Variants in LTBP1 observed in about 807,000 individuals in gnomAD.
The protein encoded by LTBP1 is latent-transforming growth factor beta-binding protein 1.
In LTBP1, 129 loss-of-function variants were observed where a neutral mutation model predicts 207.6. The observed-to-expected ratio is 0.62, with a 90% confidence interval of 0.54 to 0.72. The LOEUF (loss-of-function observed/expected upper bound fraction) is 0.72. Ranked by LOEUF, LTBP1 falls within the 30% of genes least tolerant of loss-of-function variation. The pLI is 0.00. For missense variants in LTBP1, 2,281 were observed against 2,217.2 expected (o/e 1.03, Z -0.58); for synonymous variants, 963 against 833.7 (o/e 1.16, Z -2.67).
chr2:33,367,036 A>G (rs1362233547), intron 31 of LTBP1, among the ~76,000 whole-genome samples: 2 of 152,008 alleles, frequency 1.3e-5, no homozygotes, highest in Admixed American at 6.6e-5. Flanking sequence ...AAAGACACTC[A>G]CTTTTGACAG....
chr2:32,968,965 G>T (rs1247244641), intron 2 of LTBP1, among the ~76,000 whole-genome samples: 2 of 145,242 alleles, frequency 1.4e-5, no homozygotes, highest in African/African-American at 5.1e-5. Flanking sequence ...ACCCAGGCTG[G>T]AGTGCAGTGG....
intron 2 of LTBP1, among the ~76,000 whole-genome samples, chr2:32,994,793 G>A (rs897595361): frequency 3.3e-5 from 5 of 152,138 alleles, no homozygotes; most frequent in South Asian, 2.1e-4. Context: ...ACCTTGCTGC[G>A]TATAAGAATC....
intron 19 of LTBP1, among the ~76,000 whole-genome samples, chr2:33,286,315 A>T (rs376054188): frequency 1.2e-4 from 18 of 152,344 alleles, no homozygotes; most frequent in Middle Eastern, 3.4e-3. Context: ...CTTAACCAAG[A>T]CCTGGCACAG....
intron 3 of LTBP1, among the ~76,000 whole-genome samples, chr2:33,025,723 A>G (rs931524251): frequency 2.3e-4 from 35 of 152,232 alleles, no homozygotes; most frequent in African/African-American, 8.4e-4. Context: ...ATGAAATGAT[A>G]TGATATATGA....
chr2:33,182,457 T>A (rs1388609586), intron 5 of LTBP1, among the ~76,000 whole-genome samples: 1 of 151,480 alleles, frequency 6.6e-6, no homozygotes, highest in Non-Finnish European at 1.5e-5. Context: ...AGTCAGGAGA[T>A]CGAAACCATC....
chr2:33,337,649 C>T (rs1213451894), intron 24 of LTBP1, among the ~76,000 whole-genome samples: 2 of 152,208 alleles, frequency 1.3e-5, no homozygotes, highest in Admixed American at 6.5e-5. Flanking sequence ...AGACAAATCA[C>T]GCCTGTAATC....
chr2:33,211,671 G>A lies in LTBP1; in HGVS notation c.1702-5881G>A, dbSNP rs138859884. ...GCAAACACTCTTGGAATGAGGGTAC[G>A]TTGTAGGCACTATAGGTACCAGCGA... On this transcript the variant is annotated intron_variant, in intron 7 of 33. Coordinates refer to ENST00000404816, the MANE Select transcript of LTBP1 (RefSeq NM_206943.4). 4.6e-3 allele frequency among the ~76,000 whole-genome samples: 695 copies of A among 152,302 alleles called. 8 individuals carry two copies. The highest frequency in any genetic ancestry group is 0.016 in the African/African-American group (663 of 41,546).
chr2:33,046,620 G>C (rs1001946296), intron 3 of LTBP1, among the ~76,000 whole-genome samples: 1 of 152,074 alleles, frequency 6.6e-6, no homozygotes, highest in Non-Finnish European at 1.5e-5. Context: ...GATGATGCTG[G>C]CCTCATAAAA....
rs145143625 is a variant in LTBP1 at position 33,369,979 on chromosome 2, A to G, written c.4711+4476A>G. 2.5e-3 allele frequency among the ~76,000 whole-genome samples: 375 copies of G among 152,342 alleles called. 3 individuals carry two copies. The highest frequency in any genetic ancestry group is 8.3e-3 in the African/African-American group (347 of 41,598). ...AGCCCCAGGGCATCAGGGTTAGCACATGTGCCCCAGAACCAGGTTGCCCTG... is the reference window on the plus strand; with the variant it reads ...AGCCCCAGGGCATCAGGGTTAGCACGTGTGCCCCAGAACCAGGTTGCCCTG... On this transcript the variant is annotated intron_variant, in intron 31 of 33. Coordinates refer to ENST00000404816, the MANE Select transcript of LTBP1 (RefSeq NM_206943.4).
At chr2:33,236,611 G>A (rs1257210919) in intron 9 of LTBP1, among the ~76,000 whole-genome samples, 1 of 152,212 alleles carries the variant, frequency 6.6e-6, no homozygotes, top group Non-Finnish European at 1.5e-5. Flanking sequence ...CAGTGGTGAA[G>A]TGAGTCATTA....
intron 3 of LTBP1, among the ~76,000 whole-genome samples, chr2:33,074,714 C>CA (rs1173595273): frequency 6.6e-6 from 1 of 151,820 alleles, no homozygotes; most frequent in Non-Finnish European, 1.5e-5. Flanking sequence ...ACTAAAAATA[C>CA]AAAAAATTAG....
chr2:32,951,823 C>T (rs1315497216), intron 2 of LTBP1, among the ~76,000 whole-genome samples: 3 of 152,198 alleles, frequency 2.0e-5, no homozygotes, highest in African/African-American at 7.2e-5. Context: ...TGGTTTTCTT[C>T]TGTTTGTGGT....
At chr2:33,031,905 TAA>T (rs1363644117) in intron 3 of LTBP1, among the ~76,000 whole-genome samples, 4 of 151,982 alleles carry the variant, frequency 2.6e-5, no homozygotes, top group Non-Finnish European at 4.4e-5. Flanking sequence ...GGTGGGGTGC[TAA>T]GAGAGTGTGA....
chr2:33,308,525 A>G (rs2094133493), intron 22 of LTBP1, among the ~76,000 whole-genome samples: 1 of 152,142 alleles, frequency 6.6e-6, no homozygotes, highest in Non-Finnish European at 1.5e-5. Context: ...GTAAATTTAC[A>G]GATATGCTTC....
chr2:33,254,391 A>T (rs2092769712), intron 11 of LTBP1, among the ~76,000 whole-genome samples: 1 of 152,076 alleles, frequency 6.6e-6, no homozygotes, highest in African/African-American at 2.4e-5. Context: ...TCCTTACATG[A>T]AGCATAAATT....
intron 3 of LTBP1, among the ~76,000 whole-genome samples, chr2:33,081,856 C>G (rs1225708712): frequency 6.6e-6 from 1 of 152,082 alleles, no homozygotes; most frequent in Non-Finnish European, 1.5e-5. Flanking sequence ...GGGCTTTTCC[C>G]CTCTGTGCTC....
intron 7 of LTBP1, among the ~76,000 whole-genome samples, chr2:33,200,631 C>G (rs2089131511): frequency 6.6e-6 from 1 of 152,158 alleles, no homozygotes; most frequent in Non-Finnish European, 1.5e-5. Context: ...CAAATGGGAT[C>G]TAATTAAACT....
intron 3 of LTBP1, among the ~76,000 whole-genome samples, chr2:33,066,737 T>C (rs1454404217): frequency 6.6e-6 from 1 of 152,234 alleles, no homozygotes; most frequent in African/African-American, 2.4e-5. Flanking sequence ...TATAGCAGAA[T>C]TTCTTTACAC....
At chr2:33,094,671 T>A (rs1031752594) in intron 3 of LTBP1, among the ~76,000 whole-genome samples, 1 of 152,222 alleles carries the variant, frequency 6.6e-6, no homozygotes, top group Non-Finnish European at 1.5e-5. Flanking sequence ...GAGTACCACA[T>A]AATAATGCTA....
Sources: gnomAD v4.1 joint callset for allele counts (sites outside exome capture counted in the v4.1 genomes callset) on GRCh38, gnomAD v4.1.1 for gene constraint, MANE v1.5 for transcripts, NCBI Gene and HGNC (gene_info 2026-07-23, HGNC 2026-07-21) for gene names.